CRMP1: variants seen among roughly 807,000 people sequenced by gnomAD.
The protein encoded by CRMP1 is collapsin response mediator protein 1.
In CRMP1, 19 loss-of-function variants were observed where a neutral mutation model predicts 68.3. The observed-to-expected ratio is 0.28, with a 90% CI of 0.19 to 0.41. The LOEUF (loss-of-function observed/expected upper bound fraction) is 0.41, where lower values mean the gene tolerates loss of function less well. Ranked by LOEUF, CRMP1 falls within the 10% of genes least tolerant of loss-of-function variation. The pLI is 1.00. For missense variants in CRMP1, 791 were observed against 967.4 expected (o/e 0.82, Z 2.42); for synonymous variants, 439 against 399.6 (o/e 1.10, Z -1.18).
At chr4:5,880,352 T>A (rs2152474302) in intron 1 of CRMP1, among the ~76,000 whole-genome samples, 2 of 152,354 alleles carry the variant, frequency 1.3e-5, no homozygotes, top group South Asian at 4.1e-4. Flanking sequence ...TGAGATTTTA[T>A]TAGACCTTAA....
chr4:5,873,604 C>T (rs1714611886), intron 1 of CRMP1, among the ~76,000 whole-genome samples: 1 of 152,142 alleles, frequency 6.6e-6, no homozygotes, highest in South Asian at 2.1e-4. Flanking sequence ...AGAACTCACT[C>T]ACTATCACAA....
At chr4:5,875,844 TC>T (rs5855882) in intron 1 of CRMP1, among the ~76,000 whole-genome samples, 23,359 of 151,978 alleles carry the variant, frequency 0.15, 3,427 homozygotes, top group African/African-American at 0.39. Flanking sequence ...CTTTTCTTTC[TC>T]AGCTTCTTAA....
rs563480191 is a variant in CRMP1, at chr4:5,890,794, G to A, written c.381+1795C>T. The stretch of plus-strand genomic sequence containing the variant: ...GCTGCGCCCTGGGGGAGATGCTGGC[G>A]TTGGTGACATTGACCGCAGTTCCAG... On this transcript the variant is annotated intron_variant, in intron 1 of 13. Transcript: ENST00000324989. The surrounding 1 kb of genome is among the most constrained non-coding windows in gnomAD (Gnocchi z 5.5). Among the ~76,000 whole-genome samples, 1 of 152,270 alleles carries A rather than the reference G, an allele frequency of 6.6e-6. No homozygotes were observed. Among genetic ancestry groups the A allele is most frequent in the East Asian group, 2.0e-4 (1 of 5,116 alleles).
At chr4:5,833,889 A>G (rs1396487309) in intron 11 of CRMP1, among the ~76,000 whole-genome samples, 9 of 152,108 alleles carry the variant, frequency 5.9e-5, no homozygotes, top group African/African-American at 2.2e-4. Flanking sequence ...TAAAAATACA[A>G]AACAAAATTA....
At position 5,859,116 on chromosome 4, in the gene CRMP1, T is replaced by C. The variant is rs934710639; in HGVS notation, c.655+1910A>G. Among the ~76,000 whole-genome samples, 10 of 152,224 alleles carry C rather than the reference T, an allele frequency of 6.6e-5. No homozygotes were observed. Among genetic ancestry groups the C allele is most frequent in the Admixed American group, 1.3e-4 (2 of 15,288 alleles). On this transcript the variant is annotated intron_variant, in intron 3 of 13. Transcript: ENST00000324989. This position sits in a 1 kb window ranked among gnomAD's most constrained non-coding sequence, Gnocchi z 5.2. ...GGACGATTAGTGACTCCCCAAGAGA[T>C]GGCAGTCCCCTTGACAACGAGCATC...
intron 3 of CRMP1, among the ~76,000 whole-genome samples, chr4:5,857,822 G>A (rs911394723): frequency 3.3e-5 from 5 of 152,026 alleles, no homozygotes; most frequent in Non-Finnish European, 7.4e-5. Flanking sequence ...GACCCAACAA[G>A]TTCACTTCAT....
rs932762201 is a variant in CRMP1, at chr4:5,828,201, C to T, written c.1803+288G>A. 35 of 985,314 alleles carry T rather than the reference C, an allele frequency of 3.6e-5. No homozygotes were observed. The Admixed American group carries it at 3.7e-4, about 10-fold the overall frequency. 61.0% of individuals were successfully genotyped at this position (985,314 alleles called of 1,614,324 possible). A position where few individuals can be genotyped will look rare whatever the true frequency, so the allele number is the denominator to read the frequency against. ...GATTACTTAAGATGACGCAGGACAGCGCCCAGAGCAGCTTGGTAAGCGTCC... is the reference window on the plus strand; with the variant it reads ...GATTACTTAAGATGACGCAGGACAGTGCCCAGAGCAGCTTGGTAAGCGTCC... On this transcript the variant is annotated intron_variant, in intron 12 of 13. Coordinates refer to ENST00000324989, the MANE Select transcript of CRMP1 (RefSeq NM_001014809.3).
chr4:5,861,042 G>T lies in CRMP1; in HGVS notation c.639C>A (p.Gly213=). Residue 213 remains glycine (G), a synonymous_variant, in exon 3 of 14, where the codon GGC becomes GGA. Transcript: ENST00000324989. This position sits in a 1 kb window ranked among gnomAD's most constrained non-coding sequence, Gnocchi z 6.0. ...GTCACTCACTGATCATCGTGGTCCC[G>T]CCCACCAGTGCCGCCCTGGTCCCTT... The part of the protein sequence containing the change: ...FFQGTRAALV[G]GTTMIIDHVV... 1 of 1,613,972 alleles carries T rather than the reference G, an allele frequency of 6.2e-7. No individual in the cohort carries two copies. Among genetic ancestry groups the T allele is most frequent in the Non-Finnish European group, 8.5e-7 (1 of 1,179,972 alleles).
At position 5,890,058 on chromosome 4, in the gene CRMP1, T is replaced by C. The variant is rs547482878; in HGVS notation, c.381+2531A>G. On this transcript the variant is annotated intron_variant, in intron 1 of 13. Coordinates refer to ENST00000324989, the MANE Select transcript of CRMP1 (RefSeq NM_001014809.3). This position sits in a 1 kb window ranked among gnomAD's most constrained non-coding sequence, Gnocchi z 5.5. Reference sequence around the variant, plus strand: ...TTTACAACTCATTTCCCTCCACGCATTCATGCATCCCTGGCTCTCAGCGGG... The same window carrying C: ...TTTACAACTCATTTCCCTCCACGCACTCATGCATCCCTGGCTCTCAGCGGG... 1 of 476,366 alleles carries C rather than the reference T, an allele frequency of 2.1e-6. No individual in the cohort carries two copies. Among genetic ancestry groups the C allele is most frequent in the Non-Finnish European group, 2.9e-6 (1 of 342,710 alleles). 29.5% of individuals were successfully genotyped at this position (476,366 alleles called of 1,614,324 possible). A position where few individuals can be genotyped will look rare whatever the true frequency, so the allele number is the denominator to read the frequency against.
At chr4:5,852,406 G>A (rs557378993) in intron 4 of CRMP1, among the ~76,000 whole-genome samples, 2 of 152,338 alleles carry the variant, frequency 1.3e-5, no homozygotes, top group South Asian at 4.1e-4. Flanking sequence ...TTCTGGGCAA[G>A]CCCTTCTGAC....
chr4:5,846,974 G>A (rs962799025), intron 6 of CRMP1, among the ~76,000 whole-genome samples: 1 of 151,834 alleles, frequency 6.6e-6, no homozygotes, highest in African/African-American at 2.4e-5. Context: ...CTGCAGACAT[G>A]TACTACCTTT....
chr4:5,851,519 G>A, intron 4 of CRMP1, 50 bp from the exon 5 acceptor site: 1 of 1,552,782 alleles, frequency 6.4e-7, no homozygotes, highest in Non-Finnish European at 8.9e-7. Flanking sequence ...AAAAACAGAA[G>A]CATGTCTTTC....
chr4:5,833,700 A>G (rs1720533946), intron 11 of CRMP1, among the ~76,000 whole-genome samples: 1 of 152,220 alleles, frequency 6.6e-6, no homozygotes, highest in Non-Finnish European at 1.5e-5. Flanking sequence ...GATGATAATC[A>G]GAGTGCCCAC....
chr4:5,856,901 TACTA>T (rs1713122424), intron 3 of CRMP1, among the ~76,000 whole-genome samples: 2 of 122,836 alleles, frequency 1.6e-5, no homozygotes, highest in South Asian at 5.3e-4. Flanking sequence ...TCATCATCAT[TACTA>T]ACATTATCAC....
rs200972738 is a variant in CRMP1 at position 5,851,467 on chromosome 4, C to T, written c.823G>A (p.Val275Ile). Residue 275 changes from valine (V) to isoleucine (I), a missense_variant and splice_region_variant, in exon 5 of 14, where the codon GTC becomes ATC. Coordinates refer to ENST00000324989, the MANE Select transcript of CRMP1 (RefSeq NM_001014809.3). ...ELEVLVQDKG[V>I]NSFQVYMAYK... ...GCCATGTAGACTTGGAAGGAATTGA[C>T]GCCTGTTTCAAGATAGAAAGGATAG... The T allele has an allele frequency of 2.7e-5, 44 of 1,613,902 alleles. No individual in the cohort carries two copies. The highest frequency in any genetic ancestry group is 2.3e-4 in the African/African-American group (17 of 75,026).
In CRMP1 at chr4:5,877,920, G is replaced by A. The variant is rs952796382; in HGVS notation, c.382-11164C>T. Among the ~76,000 whole-genome samples the A allele has an allele frequency of 6.6e-6, 1 of 152,200 alleles. No individual in the cohort carries two copies. Among genetic ancestry groups the A allele is most frequent in the Non-Finnish European group, 1.5e-5 (1 of 68,036 alleles). On this transcript the variant is annotated intron_variant, in intron 1 of 13. Transcript: ENST00000324989. The surrounding 1 kb of genome is among the most constrained non-coding windows in gnomAD (Gnocchi z 4.3). ...GCCTGCACGCTGCATAGGGAAAGAC[G>A]ATGCTAGCTGCATGTGTGATCGGTA... is the stretch of plus-strand genomic sequence containing the variant.
chr4:5,821,457 G>GTT lies in CRMP1; in HGVS notation c.*301_*302dup, dbSNP rs1406815311. ...CTCAGAGAATCATGGAGCCAGTGGAGTTAGAAGTGGAAGGGACAGAACAAG... is the reference window on the plus strand; with the variant it reads ...CTCAGAGAATCATGGAGCCAGTGGAGTTTTAGAAGTGGAAGGGACAGAACAAG... On this transcript the variant is annotated 3_prime_UTR_variant, in exon 14 of 14. Coordinates refer to ENST00000324989, the MANE Select transcript of CRMP1 (RefSeq NM_001014809.3). The surrounding 1 kb of genome is among the most constrained non-coding windows in gnomAD (Gnocchi z 4.4). The GTT allele has an allele frequency of 2.5e-6, 1 of 395,390 alleles. No individual in the cohort carries two copies. The highest frequency in any genetic ancestry group is 5.8e-5 in the South Asian group (1 of 17,372). 24.5% of individuals were successfully genotyped at this position (395,390 alleles called of 1,614,324 possible). A position where few individuals can be genotyped will look rare whatever the true frequency, so the allele number is the denominator to read the frequency against.
At chr4:5,851,883 G>A (rs1483635651) in intron 4 of CRMP1, among the ~76,000 whole-genome samples, 1 of 109,448 alleles carries the variant, frequency 9.1e-6, no homozygotes, top group Non-Finnish European at 2.0e-5. Flanking sequence ...AGAGGAAGAG[G>A]AAGAGGAGGA....
intron 9 of CRMP1, 102 bp from the exon 10 acceptor site, chr4:5,837,008 T>C (rs762836705): frequency 3.7e-5 from 50 of 1,354,178 alleles, no homozygotes; most frequent in Non-Finnish European, 4.3e-5. Flanking sequence ...AATGAATGAA[T>C]AGATAAGGAA....
Sources: allele counts gnomAD v4.1 joint callset (sites outside exome capture counted in the v4.1 genomes callset), GRCh38; gene constraint gnomAD v4.1.1; non-coding constraint Gnocchi (gnomAD v3.1); transcripts MANE v1.5; gene names NCBI Gene and HGNC (gene_info 2026-07-23, HGNC 2026-07-21).